The following SPMIP7 variants were observed in gnomAD, a reference collection of about 807,000 sequenced individuals.
SPMIP7 encodes the protein sperm microtubule inner protein 7.
the SPMIP7 span, among the ~76,000 whole-genome samples, chr7:50,130,336 G>A: frequency 6.6e-6 from 1 of 152,084 alleles, no homozygotes; most frequent in Admixed American, 6.6e-5. Context: ...GCAAGGAGGA[G>A]CAAAGTTACG....
At chr7:50,153,122 C>A in the SPMIP7 span, among the ~76,000 whole-genome samples, 1 of 152,108 alleles carries the variant, frequency 6.6e-6, no homozygotes, top group Non-Finnish European at 1.5e-5. Context: ...AAGAAGCACA[C>A]AAGTAACTGA....
At chr7:50,156,694 ACT>A in the SPMIP7 span, among the ~76,000 whole-genome samples, 1 of 150,950 alleles carries the variant, frequency 6.6e-6, no homozygotes, top group Non-Finnish European at 1.5e-5. Flanking sequence ...AGGAAGACAC[ACT>A]CTTACTTTTC....
chr7:50,142,595 A>G, the SPMIP7 span: 2 of 152,352 alleles, frequency 1.3e-5, no homozygotes, highest in Middle Eastern at 6.8e-3. Flanking sequence ...ACACAAAGAA[A>G]TGTTTTTCAT....
chr7:50,139,043 G>A, the SPMIP7 span, among the ~76,000 whole-genome samples: 1 of 152,064 alleles, frequency 6.6e-6, no homozygotes, highest in African/African-American at 2.4e-5. Context: ...ATAAAAGATT[G>A]AAATATTTAA....
the SPMIP7 span, chr7:50,141,459 A>T: frequency 1.0e-6 from 1 of 960,882 alleles, no homozygotes; most frequent in East Asian, 2.6e-5. Context: ...ACTTTACCAT[A>T]AATGAAGGAA....
chr7:50,121,652 T>C, the SPMIP7 span, among the ~76,000 whole-genome samples: 5 of 152,140 alleles, frequency 3.3e-5, no homozygotes. Flanking sequence ...AAGGTTCTTT[T>C]TTTTTTCTTT....
At chr7:50,139,242 G>A in the SPMIP7 span, among the ~76,000 whole-genome samples, 5 of 151,226 alleles carry the variant, frequency 3.3e-5, no homozygotes, top group African/African-American at 9.7e-5. Context: ...ACTGCTACTC[G>A]AGAGGCTGAG....
the SPMIP7 span, among the ~76,000 whole-genome samples, chr7:50,132,005 A>G: frequency 2.0e-5 from 3 of 152,114 alleles, no homozygotes; most frequent in Non-Finnish European, 4.4e-5. Context: ...TTTTCATTCA[A>G]ATTAAAAGTA....
the SPMIP7 span, chr7:50,117,233 C>T: frequency 4.4e-6 from 2 of 455,494 alleles, no homozygotes; most frequent in East Asian, 1.4e-4. Context: ...AAATAACATT[C>T]AGGCATTAGG....
the SPMIP7 span, chr7:50,129,644 C>T: frequency 1.9e-6 from 2 of 1,040,292 alleles, no homozygotes; most frequent in East Asian, 5.3e-5. Flanking sequence ...CAAAAGAAAA[C>T]ATGATGACTA....
chr7:50,116,647 G>A, the SPMIP7 span, among the ~76,000 whole-genome samples: 9 of 152,116 alleles, frequency 5.9e-5, no homozygotes, highest in Non-Finnish European at 1.5e-5. Context: ...AACTTAAAAT[G>A]TTTAAAAAGT....
the SPMIP7 span, among the ~76,000 whole-genome samples, chr7:50,130,273 T>A: frequency 6.6e-6 from 1 of 151,746 alleles, no homozygotes; most frequent in Non-Finnish European, 1.5e-5. Context: ...AGGAAAGAGG[T>A]TTAATTGACA....
At chr7:50,111,976 A>C in the SPMIP7 span, among the ~76,000 whole-genome samples, 1 of 152,246 alleles carries the variant, frequency 6.6e-6, no homozygotes, top group African/African-American at 2.4e-5. Context: ...ACATTGTACT[A>C]CACCACTACA....
At chr7:50,141,219 A>C in the SPMIP7 span, 1 of 1,137,744 alleles carries the variant, frequency 8.8e-7, no homozygotes, top group South Asian at 1.3e-5. Flanking sequence ...AATACTGTTC[A>C]ATGGTTTCTT....
chr7:50,136,243 C>T, the SPMIP7 span: 23 of 1,109,304 alleles, frequency 2.1e-5, no homozygotes, highest in East Asian at 4.2e-4. Flanking sequence ...ATGCTGTAGC[C>T]CTTGGCTTAG....
the SPMIP7 span, among the ~76,000 whole-genome samples, chr7:50,146,739 AC>A: frequency 6.6e-6 from 1 of 151,518 alleles, no homozygotes; most frequent in Admixed American, 6.6e-5. Context: ...CTCTGGGCTG[AC>A]CCTCCTTAAA....
At chr7:50,125,141 C>CAT in the SPMIP7 span, among the ~76,000 whole-genome samples, 2 of 34,272 alleles carry the variant, frequency 5.8e-5, no homozygotes, top group African/African-American at 3.5e-4. Flanking sequence ...CACACACACA[C>CAT]ATATACACAC....
the SPMIP7 span, among the ~76,000 whole-genome samples, chr7:50,109,929 CTA>C: frequency 4.6e-5 from 7 of 151,980 alleles, no homozygotes; most frequent in African/African-American, 1.7e-4. Flanking sequence ...ATTTAGAACA[CTA>C]TTACTTTCAT....
the SPMIP7 span, among the ~76,000 whole-genome samples, chr7:50,115,023 C>T: frequency 7.3e-6 from 1 of 136,420 alleles, no homozygotes. Flanking sequence ...GAGTGAGATT[C>T]TGTCTCCAAA....
Sources: gnomAD v4.1 joint callset for allele counts (sites outside exome capture counted in the v4.1 genomes callset) on GRCh38, gnomAD v4.1.1 for gene constraint, MANE v1.5 for transcripts, NCBI Gene and HGNC (gene_info 2026-07-23, HGNC 2026-07-21) for gene names.